METTL13: variants seen among roughly 807,000 people sequenced by gnomAD.
METTL13 encodes eEF1A lysine and N-terminal methyltransferase.
In METTL13, 52 loss-of-function variants were observed where a neutral mutation model predicts 67.4. The ratio of observed to expected loss-of-function variants is 0.77; its 90% CI spans 0.62 to 0.97. The LOEUF is 0.97. METTL13 is among the 50% of genes least tolerant of loss of function. The pLI is 0.00. For synonymous variants in METTL13, 354 were observed against 353.6 expected (o/e 1.00, Z -0.01); for missense variants, 825 against 889.6 (o/e 0.93, Z 0.92).
At position 171,790,576 on chromosome 1, in the gene METTL13, C is replaced by A; in HGVS notation, c.1434C>A (p.Ile478=). The part of the protein sequence containing the change: ...YLCCEHHKAM[I]AGLALLRNPE... ...GTTGTGAACACCACAAAGCCATGAT[C>A]GCTGGCCTTGCCCTGCTGAGAAACC... The change falls in exon 5 of 8, where the codon ATC becomes ATA. Residue 478 remains isoleucine, a synonymous_variant. Transcript: ENST00000361735. 6.3e-7 allele frequency: 1 copy of A among 1,598,800 alleles called. No individual in the cohort carries two copies. The highest frequency in any genetic ancestry group is 8.5e-7 in the Non-Finnish European group (1 of 1,174,324).
chr1:171,783,941 T>C lies in METTL13; in HGVS notation c.355T>C (p.Leu119=). 2 of 1,614,192 alleles carry C rather than the reference T, an allele frequency of 1.2e-6. No individual in the cohort carries two copies. Among genetic ancestry groups the C allele is most frequent in the East Asian group, 2.2e-5 (1 of 44,880 alleles). ...EFPDASFQVV[L]DKGTLDAVLT... is the part of the protein sequence containing the mutation. ...TCCTGATGCCTCGTTCCAGGTGGTG[T>C]TGGACAAGGGCACCCTGGATGCTGT... is the stretch of plus-strand genomic sequence containing the variant. Residue 119 remains leucine (L), a synonymous_variant, in exon 2 of 8, where the codon TTG becomes CTG. Coordinates refer to ENST00000361735, the MANE Select transcript of METTL13 (RefSeq NM_015935.5).
At position 171,794,434 on chromosome 1, in the gene METTL13, A is replaced by C; in HGVS notation, c.1732A>C (p.Ser578Arg). Residue 578 changes from serine to arginine, a missense_variant, in exon 7 of 8, where the codon AGT becomes CGT. By Grantham distance (110) the Ser-to-Arg change is moderately radical. Coordinates refer to ENST00000361735, the MANE Select transcript of METTL13 (RefSeq NM_015935.5). Reference sequence around the variant, plus strand: ...CGATGTCATAATGTTTGATGTTGACAGTAAGGACCCAACACTGGGAATGAG... The same window carrying C: ...CGATGTCATAATGTTTGATGTTGACCGTAAGGACCCAACACTGGGAATGAG... ...CYDVIMFDVD[S>R]KDPTLGMSCP... The C allele has an allele frequency of 6.2e-7, 1 of 1,614,248 alleles. No homozygotes were observed. The highest frequency in any genetic ancestry group is 8.5e-7 in the Non-Finnish European group (1 of 1,180,048).
rs199890184 is a variant in METTL13 at position 171,790,670 on chromosome 1, A to T, written c.1474+54A>T. On this transcript the variant is annotated intron_variant, in intron 5 of 7. Transcript: ENST00000361735. ...AAGGGAGCATAAAGATTACAGACCT[A>T]AACAATTGGTGTCACTTGCATTGTA... is the stretch of plus-strand genomic sequence containing the variant. 106 of 1,400,066 alleles carry T rather than the reference A, an allele frequency of 7.6e-5. No homozygotes were observed. The East Asian group carries it at 2.7e-3, about 36-fold the overall frequency. 86.7% of individuals were successfully genotyped at this position (1,400,066 alleles called of 1,614,324 possible). A position where few individuals can be genotyped will look rare whatever the true frequency, so the allele number is the denominator to read the frequency against.
chr1:171,791,658 TTTGCCATG>T (rs940959891), intron 5 of METTL13, among the ~76,000 whole-genome samples: 2 of 152,230 alleles, frequency 1.3e-5, no homozygotes, highest in African/African-American at 4.8e-5. Context: ...TAGACAGGAT[TTTGCCATG>T]TTGCCCAGGC....
At chr1:171,791,903 T>G in intron 5 of METTL13, 114 bp from the exon 6 acceptor site, 3 of 1,025,654 alleles carry the variant, frequency 2.9e-6, no homozygotes, top group African/African-American at 1.6e-5. Flanking sequence ...CCTCTAAATC[T>G]TGTATCCCCT....
In METTL13 at chr1:171,796,889, C is replaced by T; in HGVS notation, c.*133C>T. 8.2e-7 allele frequency: 1 copy of T among 1,216,700 alleles called. No homozygotes were observed. Among genetic ancestry groups the T allele is most frequent in the Admixed American group, 2.6e-5 (1 of 38,464 alleles). 75.4% of individuals were successfully genotyped at this position (1,216,700 alleles called of 1,614,324 possible). ...GGTTTCACACTCAGCTACATGTGAC[C>T]TCCAGCTTGGTGAGGTTGCCTGAAG... On this transcript the variant is annotated 3_prime_UTR_variant, in exon 8 of 8. Coordinates refer to ENST00000361735, the MANE Select transcript of METTL13 (RefSeq NM_015935.5).
intron 6 of METTL13, among the ~76,000 whole-genome samples, chr1:171,793,876 G>C (rs1571171656): frequency 6.6e-6 from 1 of 152,176 alleles, no homozygotes; most frequent in Non-Finnish European, 1.5e-5. Flanking sequence ...GCCCTTAAAG[G>C]CTTAGTCAGC....
chr1:171,782,114 G>A lies in METTL13; in HGVS notation c.147G>A (p.Arg49=). 1.2e-6 allele frequency: 2 copies of A among 1,613,720 alleles called. No individual in the cohort carries two copies. The highest frequency in any genetic ancestry group is 1.7e-6 in the Non-Finnish European group (2 of 1,179,730). ...TGCTACATAAATATATCAAGCCCAG[G>A]GAAAAGGTGAGGAGCGCGGGTTGGT... ...CGVLHKYIKP[R]EKVLVIGCGN... The change falls in exon 1 of 8, where the codon AGG becomes AGA. Residue 49 remains arginine, a synonymous_variant. Coordinates refer to ENST00000361735, the MANE Select transcript of METTL13 (RefSeq NM_015935.5).
At position 171,781,932 on chromosome 1, in the gene METTL13, G is replaced by C; in HGVS notation, c.-36G>C. The C allele has an allele frequency of 6.2e-7, 1 of 1,612,608 alleles. No individual in the cohort carries two copies. The highest frequency in any genetic ancestry group is 8.5e-7 in the Non-Finnish European group (1 of 1,179,128). On this transcript the variant is annotated 5_prime_UTR_variant, in exon 1 of 8. The change abolishes the stop of an existing upstream ORF in the 5' untranslated region. Coordinates refer to ENST00000361735, the MANE Select transcript of METTL13 (RefSeq NM_015935.5). ...CTCAAATGGTATCTCACAGGGAATA[G>C]GGGAGTCTTGAAAACGCAGCTTCGG... is the stretch of plus-strand genomic sequence containing the variant.
At chr1:171,787,655 C>T in intron 3 of METTL13, 80 bp from the exon 4 acceptor site, 1 of 1,350,342 alleles carries the variant, frequency 7.4e-7, no homozygotes, top group Non-Finnish European at 1.0e-6. Context: ...GATATATACA[C>T]ACAAAAGGGA....
chr1:171,790,297 C>T (rs1181563097), intron 4 of METTL13, among the ~76,000 whole-genome samples, 155 bp from the exon 5 acceptor site: 3 of 152,172 alleles, frequency 2.0e-5, no homozygotes, highest in African/African-American at 7.2e-5. Context: ...TCACTACGGC[C>T]AGTTTCAAGC....
At chr1:171,784,641 A>G in intron 2 of METTL13, 142 bp downstream of exon 2, 1 of 1,125,990 alleles carries the variant, frequency 8.9e-7, no homozygotes, top group East Asian at 2.8e-5. Context: ...TTGTACTTCC[A>G]GAGGATTAGA....
intron 6 of METTL13, 56 bp downstream of exon 6, chr1:171,792,291 C>G (rs1197313647): frequency 1.3e-6 from 2 of 1,596,050 alleles, no homozygotes; most frequent in Non-Finnish European, 1.7e-6. Flanking sequence ...GCGACATTGT[C>G]AGGCCCGCAA....
Position 171,781,702 on chromosome 1 carries a change from G to C in METTL13, c.-266G>C. On this transcript the variant is annotated 5_prime_UTR_variant, in exon 1 of 8. Transcript: ENST00000361735. ...GGCTCGGAAATCTAGTTCGGGAAAA[G>C]TGTGAGGGGCTCTTCACGTGGGGAA... 1 of 1,143,222 alleles carries C rather than the reference G, an allele frequency of 8.7e-7. No homozygotes were observed. Among genetic ancestry groups the C allele is most frequent in the Non-Finnish European group, 1.1e-6 (1 of 887,886 alleles). 70.8% of individuals were successfully genotyped at this position (1,143,222 alleles called of 1,614,324 possible). A position where few individuals can be genotyped will look rare whatever the true frequency, so the allele number is the denominator to read the frequency against.
chr1:171,781,920 T>C lies in METTL13; in HGVS notation c.-48T>C. 1 of 1,608,392 alleles carries C rather than the reference T, an allele frequency of 6.2e-7. No homozygotes were observed. The highest frequency in any genetic ancestry group is 8.5e-7 in the Non-Finnish European group (1 of 1,176,736). On this transcript the variant is annotated 5_prime_UTR_variant, in exon 1 of 8. Transcript: ENST00000361735. ...GTGGGCAAGCTCCTCAAATGGTATC[T>C]CACAGGGAATAGGGGAGTCTTGAAA...
Position 171,792,024 on chromosome 1 carries a change from A to C in METTL13, c.1482A>C (p.Pro494=). 1.2e-6 allele frequency: 2 copies of C among 1,612,534 alleles called. No homozygotes were observed. Among genetic ancestry groups the C allele is most frequent in the Non-Finnish European group, 1.7e-6 (2 of 1,180,004 alleles). The part of the protein sequence containing the change: ...LRNPELLLEI[P]LALLVVGLGG... ...TCTATTCTTTTCTTACAGAGATCCC[A>C]CTGGCATTGTTGGTGGTAGGCCTGG... The change falls in exon 6 of 8, where the codon CCA becomes CCC. Residue 494 remains proline (P), a synonymous_variant. Transcript: ENST00000361735.
intron 1 of METTL13, 37 bp downstream of exon 1, chr1:171,782,157 C>T (rs535858726): frequency 1.9e-6 from 3 of 1,582,244 alleles, no homozygotes; most frequent in African/African-American, 1.3e-5. Flanking sequence ...CGTACGTGCT[C>T]CGGAAGGTGG....
rs1364119809 is a variant in METTL13 at position 171,781,992 on chromosome 1, A to G, written c.25A>G (p.Arg9Gly). MNLLPKSS[R>G]EFGSVDYWEK... ...CATGAACCTCTTACCTAAAAGTTCC[A>G]GGGAGTTTGGCTCCGTTGACTATTG... Residue 9 changes from arginine to glycine, a missense_variant, in exon 1 of 8, where the codon AGG becomes GGG. Arg to Gly is a moderately radical substitution (Grantham distance 125). Transcript: ENST00000361735. 1.2e-6 allele frequency: 2 copies of G among 1,614,204 alleles called. No individual in the cohort carries two copies. The highest frequency in any genetic ancestry group is 1.7e-6 in the Non-Finnish European group (2 of 1,180,032).
intron 1 of METTL13, among the ~76,000 whole-genome samples, chr1:171,782,774 G>C (rs1656870039): frequency 6.6e-6 from 1 of 152,118 alleles, no homozygotes; most frequent in Non-Finnish European, 1.5e-5. Flanking sequence ...CCAAGTTTCA[G>C]GCACTGCTCA....
Sources: allele counts gnomAD v4.1 joint callset (sites outside exome capture counted in the v4.1 genomes callset), GRCh38; gene constraint gnomAD v4.1.1; transcripts MANE v1.5; gene names NCBI Gene and HGNC (gene_info 2026-07-23, HGNC 2026-07-21).